TEAD4: variants seen among roughly 807,000 people sequenced by gnomAD.
TEAD4 encodes TEA domain transcription factor 4.
TEAD4 carries 36 observed loss-of-function variants against 52.4 expected under a neutral mutation model. The ratio of observed to expected loss-of-function variants is 0.69; its 90% CI spans 0.53 to 0.91. The LOEUF is 0.91. Among genes scored for constraint, TEAD4 ranks in the 40% least tolerant of loss-of-function variants. TEAD4 has a pLI of 0.00. For missense variants in TEAD4, 508 were observed against 583.9 expected, an observed-to-expected ratio of 0.87 and a Z score of 1.34; for synonymous variants, 220 against 231.0, an observed-to-expected ratio of 0.95 and a Z score of 0.43.
intron 8 of TEAD4, among the ~76,000 whole-genome samples, chr12:3,020,218 G>GT (rs766433880): frequency 2.0e-5 from 3 of 152,198 alleles, no homozygotes; most frequent in Non-Finnish European, 2.9e-5. Context: ...AACAGGAAAC[G>GT]TCCCCGTCTC....
chr12:2,994,843 G>T lies in TEAD4; in HGVS notation c.77G>T (p.Gly26Val). ...TCCCCTGAGGGGAGCACCGCCTCTG[G>T]GGGCAGTCAGGCACTGGACAAGCCC... is the stretch of plus-strand genomic sequence containing the variant. The change falls in exon 3 of 13, where the codon GGG (glycine) becomes GTG (valine). Residue 26 changes from glycine to valine, a missense_variant. Physicochemically the swap from Gly to Val is moderately radical, Grantham distance 109. Transcript: ENST00000359864. This position sits in a 1 kb window ranked among gnomAD's most constrained non-coding sequence, Gnocchi z 4.7. 1 of 1,614,016 alleles carries T rather than the reference G, an allele frequency of 6.2e-7. No homozygotes were observed. The highest frequency in any genetic ancestry group is 8.5e-7 in the Non-Finnish European group (1 of 1,180,008).
Position 2,982,826 on chromosome 12 carries a change from G to A in TEAD4, c.-29-11912G>A, listed in dbSNP as rs993098994. ...AGGTCCTCAGAAAACCCCACTCGTG[G>A]GGCAGGGTCTGGCATTAGGAGTCTT... On this transcript the variant is annotated intron_variant, in intron 2 of 12. Coordinates refer to ENST00000359864, the MANE Select transcript of TEAD4 (RefSeq NM_003213.4). 2.6e-5 allele frequency among the ~76,000 whole-genome samples: 4 copies of A among 152,190 alleles called. 1 individual carries two copies. Among genetic ancestry groups the A allele is most frequent in the Admixed American group, 2.6e-4 (4 of 15,284 alleles).
intron 2 of TEAD4, among the ~76,000 whole-genome samples, chr12:2,990,232 T>A (rs1377079076): frequency 6.6e-6 from 1 of 152,160 alleles, no homozygotes; most frequent in East Asian, 1.9e-4. Context: ...TGATAATATC[T>A]TATTCTTTCC....
chr12:2,982,778 C>G (rs1294880755), intron 2 of TEAD4, among the ~76,000 whole-genome samples: 1 of 152,174 alleles, frequency 6.6e-6, no homozygotes, highest in Non-Finnish European at 1.5e-5. Flanking sequence ...TGGGACAGAC[C>G]CAATCCTAGG....
chr12:2,974,448 A>G (rs1478389001), intron 2 of TEAD4, among the ~76,000 whole-genome samples: 2 of 152,210 alleles, frequency 1.3e-5, no homozygotes, highest in Non-Finnish European at 2.9e-5. Context: ...GTCCAAGCTC[A>G]TTCTAACCCC....
chr12:3,029,948 G>C lies in TEAD4; in HGVS notation c.897+7931G>C, dbSNP rs561899590. 2.6e-5 allele frequency among the ~76,000 whole-genome samples: 4 copies of C among 152,206 alleles called. No homozygotes were observed. The South Asian group carries it at 8.3e-4, about 32-fold the overall frequency. ...CCTGAGGTGATTTAGTTTCTCCAGA[G>C]ACGATTCATCTAATTTCCCTGGAAG... On this transcript the variant is annotated intron_variant, in intron 10 of 12. Transcript: ENST00000359864.
At chr12:3,033,334 T>C (rs1008248114) in intron 10 of TEAD4, among the ~76,000 whole-genome samples, 9 of 152,156 alleles carry the variant, frequency 5.9e-5, no homozygotes, top group Admixed American at 3.9e-4. Context: ...GCCTCAGCCC[T>C]ATCTGCTGAG....
At chr12:3,026,962 G>A (rs1213943429) in intron 10 of TEAD4, among the ~76,000 whole-genome samples, 1 of 152,120 alleles carries the variant, frequency 6.6e-6, no homozygotes, top group East Asian at 1.9e-4. Context: ...TGAAGTAAGT[G>A]TTACTTCTTA....
chr12:2,988,508 CAA>C (rs35233597), intron 2 of TEAD4, among the ~76,000 whole-genome samples: 1,466 of 131,196 alleles, frequency 0.011, 9 homozygotes, highest in Middle Eastern at 0.015. Flanking sequence ...AAAAAAAGCT[CAA>C]AAAAAAAAAA....
intron 2 of TEAD4, among the ~76,000 whole-genome samples, chr12:2,970,833 G>A (rs746674328): frequency 6.6e-6 from 1 of 152,184 alleles, no homozygotes; most frequent in Non-Finnish European, 1.5e-5. Context: ...AAGCATCCTC[G>A]GAAATGCTCC....
Position 3,040,391 on chromosome 12 carries a change from G to T in TEAD4, c.1218G>T (p.Glu406Asp), listed in dbSNP as rs912933244. 6.2e-7 allele frequency: 1 copy of T among 1,614,204 alleles called. No individual in the cohort carries two copies. Residue 406 changes from glutamate to aspartate, a missense_variant, in exon 13 of 13, where the codon GAG (glutamate) becomes GAT (aspartate). Transcript: ENST00000359864. Reference sequence around the variant, plus strand: ...TGGTCACCAACAGAGACACACAGGAGACCTTGCTGTGCATTGCCTATGTCT... The same window carrying T: ...TGGTCACCAACAGAGACACACAGGATACCTTGCTGTGCATTGCCTATGTCT...
intron 2 of TEAD4, among the ~76,000 whole-genome samples, chr12:2,992,225 G>T (rs2098243736): frequency 6.6e-6 from 1 of 151,766 alleles, no homozygotes; most frequent in African/African-American, 2.4e-5. Context: ...CGCCATGTTG[G>T]CCAGGGTGGT....
At chr12:3,024,270 G>T (rs948400856) in intron 10 of TEAD4, among the ~76,000 whole-genome samples, 1 of 151,944 alleles carries the variant, frequency 6.6e-6, no homozygotes, top group South Asian at 2.1e-4. Flanking sequence ...TAGAGACGGG[G>T]TTTCACCGTG....
intron 2 of TEAD4, among the ~76,000 whole-genome samples, chr12:2,973,015 T>A (rs918000009): frequency 1.3e-5 from 2 of 152,198 alleles, no homozygotes; most frequent in Non-Finnish European, 1.5e-5. Flanking sequence ...CCTTCCCCTC[T>A]TGGCATCCCC....
At chr12:2,991,420 G>C (rs971219437) in intron 2 of TEAD4, among the ~76,000 whole-genome samples, 1 of 152,186 alleles carries the variant, frequency 6.6e-6, no homozygotes, top group Non-Finnish European at 1.5e-5. Flanking sequence ...TCAGCACTTT[G>C]GGAGGCCGAG....
intron 2 of TEAD4, among the ~76,000 whole-genome samples, chr12:2,989,531 T>A (rs965177897): frequency 6.6e-6 from 1 of 152,088 alleles, no homozygotes; most frequent in African/African-American, 2.4e-5. Context: ...CTCTACCTCC[T>A]GGGTTCAAGT....
Position 2,969,587 on chromosome 12 carries a change from T to C in TEAD4, c.-30+9547T>C, listed in dbSNP as rs577711836. On this transcript the variant is annotated intron_variant, in intron 2 of 12. Transcript: ENST00000359864. ...TCCTGGGCCTCAGTTTCTCCACATATCAGCATGCGGGGATTCCACTAGATG... is the reference window on the plus strand; with the variant it reads ...TCCTGGGCCTCAGTTTCTCCACATACCAGCATGCGGGGATTCCACTAGATG... 6.1e-4 allele frequency among the ~76,000 whole-genome samples: 93 copies of C among 152,254 alleles called. 1 individual carries two copies. The highest frequency in any genetic ancestry group is 2.2e-3 in the African/African-American group (90 of 41,566).
At chr12:3,014,662 T>C (rs2153956892) in intron 5 of TEAD4, among the ~76,000 whole-genome samples, 1 of 152,278 alleles carries the variant, frequency 6.6e-6, no homozygotes, top group Non-Finnish European at 1.5e-5. Context: ...ATCTGTAAAG[T>C]GACAGGCGAG....
At chr12:2,974,503 G>A (rs1050669900) in intron 2 of TEAD4, among the ~76,000 whole-genome samples, 51 of 152,262 alleles carry the variant, frequency 3.3e-4, no homozygotes, top group Non-Finnish European at 5.9e-4. Flanking sequence ...CCAGAGGCTC[G>A]AGTCTTCATT....
Sources: gnomAD v4.1 joint callset for allele counts (sites outside exome capture counted in the v4.1 genomes callset) on GRCh38, gnomAD v4.1.1 for gene constraint, Gnocchi (gnomAD v3.1) non-coding constraint, MANE v1.5 for transcripts, NCBI Gene and HGNC (gene_info 2026-07-23, HGNC 2026-07-21) for gene names.